CLVS2: variants seen among roughly 807,000 people sequenced by gnomAD.
The protein encoded by CLVS2 is clavesin-2.
CLVS2 carries 19 observed loss-of-function variants against 29.0 expected under a neutral mutation model. That is an observed-to-expected ratio of 0.66 (90% confidence interval 0.46 to 0.96). CLVS2 has a LOEUF of 0.96. Among genes scored for constraint, CLVS2 ranks in the 40% least tolerant of loss-of-function variants. The pLI, the probability that CLVS2 is intolerant of heterozygous loss-of-function variation, is 0.00. For synonymous variants in CLVS2, 161 were observed against 151.3 expected, an observed-to-expected ratio of 1.06 and a Z score of -0.47; for missense variants, 294 against 404.1, an observed-to-expected ratio of 0.73 and a Z score of 2.34.
rs1219435035 is a variant in CLVS2 at position 122,997,659 on chromosome 6, G to A, written c.-119G>A. 2.1e-6 allele frequency: 2 copies of A among 933,106 alleles called. No homozygotes were observed. Among genetic ancestry groups the A allele is most frequent in the East Asian group, 4.8e-5 (2 of 41,574 alleles). 57.8% of individuals were successfully genotyped at this position (933,106 alleles called of 1,614,324 possible). On this transcript the variant is annotated 5_prime_UTR_variant, in exon 2 of 6. Transcript: ENST00000275162. ...CACCAAGATTATTAATTTCCTGTAG[G>A]GGAGAGGAAGCAGGCAGCAGGAGGT... is the stretch of plus-strand genomic sequence containing the variant.
intron 3 of CLVS2, among the ~76,000 whole-genome samples, chr6:123,043,500 T>C (rs935814987): frequency 4.0e-4 from 61 of 152,116 alleles, no homozygotes; most frequent in African/African-American, 1.4e-3. Flanking sequence ...TGAAGCTAAA[T>C]GTTTCAAAAA....
intron 2 of CLVS2, among the ~76,000 whole-genome samples, chr6:123,008,685 C>CTT (rs5879659): frequency 7.1e-4 from 105 of 147,850 alleles, no homozygotes; most frequent in African/African-American, 1.7e-3. Flanking sequence ...GAAATTAAAA[C>CTT]TTTTTTTTTT....
chr6:123,064,799 A>G lies in CLVS2; in HGVS notation c.*1038A>G, dbSNP rs1402043517. The G allele has an allele frequency of 6.6e-6, 1 of 151,932 alleles. No homozygotes were observed. The highest frequency in any genetic ancestry group is 1.5e-5 in the Non-Finnish European group (1 of 67,860). The allele number at this position is 151,932 out of a possible 1,614,324, so 9.4% of individuals were successfully genotyped here. On this transcript the variant is annotated 3_prime_UTR_variant, in exon 6 of 6. Coordinates refer to ENST00000275162, the MANE Select transcript of CLVS2 (RefSeq NM_001010852.4). ...GGATAATTACATGAGATAACTCTGG[A>G]AAACTACTTCCACTGAAGTTAATGA...
chr6:123,061,414 A>G (rs1379722837), intron 5 of CLVS2, among the ~76,000 whole-genome samples: 1 of 152,160 alleles, frequency 6.6e-6, no homozygotes, highest in East Asian at 1.9e-4. Context: ...ATCCTGCACA[A>G]ATAATCCTGT....
chr6:123,031,591 C>G (rs1402261538), intron 3 of CLVS2, among the ~76,000 whole-genome samples: 1 of 152,174 alleles, frequency 6.6e-6, no homozygotes, highest in Non-Finnish European at 1.5e-5. Flanking sequence ...GTGATTATTT[C>G]ACAAAGTCTG....
chr6:123,051,273 G>A (rs1174796352), intron 4 of CLVS2, among the ~76,000 whole-genome samples: 1 of 152,016 alleles, frequency 6.6e-6, no homozygotes, highest in Non-Finnish European at 1.5e-5. Context: ...AATTAAATTT[G>A]ACTTTGAGTC....
chr6:123,038,678 T>G (rs1167518825), intron 3 of CLVS2, among the ~76,000 whole-genome samples: 1 of 152,138 alleles, frequency 6.6e-6, no homozygotes, highest in Non-Finnish European at 1.5e-5. Context: ...TCCTAATTTA[T>G]TAACCTAATA....
chr6:123,031,250 G>A (rs1001747716), intron 3 of CLVS2, among the ~76,000 whole-genome samples: 1 of 152,000 alleles, frequency 6.6e-6, no homozygotes, highest in African/African-American at 2.4e-5. Flanking sequence ...GGATTGCAGG[G>A]GTGAGCCCTT....
At chr6:123,048,476 T>C (rs551959171) in intron 3 of CLVS2, 146 bp from the exon 4 acceptor site, 1 of 568,912 alleles carries the variant, frequency 1.8e-6, no homozygotes, top group Non-Finnish European at 3.1e-6. Flanking sequence ...TTTAACGTGG[T>C]AAGGTTCTTC....
chr6:123,022,050 C>T (rs79292930), intron 3 of CLVS2, among the ~76,000 whole-genome samples: 379 of 152,052 alleles, frequency 2.5e-3, no homozygotes, highest in Non-Finnish European at 4.2e-3. Flanking sequence ...AGCTTATCAC[C>T]GTGTCATTCT....
At chr6:123,014,395 A>G (rs1262149711) in intron 3 of CLVS2, among the ~76,000 whole-genome samples, 1 of 152,092 alleles carries the variant, frequency 6.6e-6, no homozygotes, top group Non-Finnish European at 1.5e-5. Context: ...TACCTTGTAT[A>G]AAGATACATG....
chr6:123,040,942 A>G (rs899145515), intron 3 of CLVS2, among the ~76,000 whole-genome samples: 2 of 152,186 alleles, frequency 1.3e-5, no homozygotes, highest in African/African-American at 4.8e-5. Flanking sequence ...TTATGATTAC[A>G]ATAATGATAA....
At position 123,055,881 on chromosome 6, in the gene CLVS2, G is replaced by A; in HGVS notation, c.751G>A (p.Gly251Arg). The A allele has an allele frequency of 6.2e-7, 1 of 1,614,044 alleles. No individual in the cohort carries two copies. The highest frequency in any genetic ancestry group is 8.5e-7 in the Non-Finnish European group (1 of 1,179,972). Residue 251 changes from glycine (G) to arginine (R), a missense_variant, in exon 5 of 6, where the codon GGA becomes AGA. Gly to Arg is a moderately radical substitution (Grantham distance 125). This residue lies in a region of CLVS2 where 212 missense variants were observed against 336.4 expected (regional missense o/e 0.63). Transcript: ENST00000275162. ...TGAGATCCTGCCCTCTGAGTTTGGA[G>A]GAATGCTGCCTCCTTATGACATGGG... is the stretch of plus-strand genomic sequence containing the variant. ...HPEILPSEFG[G>R]MLPPYDMGTW...
intron 4 of CLVS2, among the ~76,000 whole-genome samples, chr6:123,049,011 C>T (rs1311901203): frequency 1.3e-5 from 2 of 152,106 alleles, no homozygotes; most frequent in Non-Finnish European, 2.9e-5. Flanking sequence ...AAAAAAAACT[C>T]TTATGCCATG....
chr6:123,068,115 A>G lies in CLVS2; in HGVS notation c.*4354A>G, dbSNP rs1352281774. On this transcript the variant is annotated 3_prime_UTR_variant, in exon 6 of 6. Transcript: ENST00000275162. ...ATTCTGTTATGTACTAACTATGGGAATGAATTCTCCAGTACCATAGGAAAA... is the reference window on the plus strand; with the variant it reads ...ATTCTGTTATGTACTAACTATGGGAGTGAATTCTCCAGTACCATAGGAAAA... 6.6e-6 allele frequency: 1 copy of G among 151,648 alleles called. No individual in the cohort carries two copies. The highest frequency in any genetic ancestry group is 1.5e-5 in the Non-Finnish European group (1 of 67,672). The allele number at this position is 151,648 out of a possible 1,614,324, so 9.4% of individuals were successfully genotyped here.
chr6:123,007,620 T>A (rs1230624819), intron 2 of CLVS2, among the ~76,000 whole-genome samples: 1 of 152,202 alleles, frequency 6.6e-6, no homozygotes, highest in South Asian at 2.1e-4. Flanking sequence ...TTTTTATGTG[T>A]TCTAGCAGCT....
intron 3 of CLVS2, among the ~76,000 whole-genome samples, chr6:123,047,512 C>T (rs1482976713): frequency 6.6e-6 from 1 of 152,130 alleles, no homozygotes; most frequent in African/African-American, 2.4e-5. Flanking sequence ...TATGCAAATA[C>T]TAGATTAATT....
chr6:123,072,230 C>T lies in CLVS2; in HGVS notation c.*8469C>T, dbSNP rs984822125. ...TCTATCAGAACATATATTAAGAAGA[C>T]ACTGAATTTAAAGAATCAGCAGGTG... On this transcript the variant is annotated 3_prime_UTR_variant, in exon 6 of 6. Transcript: ENST00000275162. The T allele has an allele frequency of 1.3e-5, 2 of 152,082 alleles. No homozygotes were observed. Among genetic ancestry groups the T allele is most frequent in the East Asian group, 1.9e-4 (1 of 5,176 alleles). 9.4% of individuals were successfully genotyped at this position (152,082 alleles called of 1,614,324 possible). A position where few individuals can be genotyped will look rare whatever the true frequency, so the allele number is the denominator to read the frequency against.
chr6:123,007,756 A>G (rs908082784), intron 2 of CLVS2, among the ~76,000 whole-genome samples: 1 of 152,164 alleles, frequency 6.6e-6, no homozygotes, highest in African/African-American at 2.4e-5. Flanking sequence ...ATTTTACTTA[A>G]TGCTATTTTG....
Sources: allele counts gnomAD v4.1 joint callset (sites outside exome capture counted in the v4.1 genomes callset), GRCh38; gene constraint gnomAD v4.1.1; regional missense constraint gnomAD v4.1.1; transcripts MANE v1.5; gene names NCBI Gene and HGNC (gene_info 2026-07-23, HGNC 2026-07-21).